Variants in CDH18 observed in about 807,000 individuals in gnomAD.
CDH18 encodes the protein cadherin-18.
A neutral mutation model predicts 67.9 loss-of-function variants in CDH18; 31 were observed. The ratio of observed to expected loss-of-function variants is 0.46; its 90% CI spans 0.34 to 0.62. CDH18 has a LOEUF of 0.62. CDH18 is among the 20% of genes least tolerant of loss of function. The probability of loss-of-function intolerance (pLI) is 0.01; values close to 1 mark genes in which losing one functional copy is unlikely to be tolerated. For synonymous variants in CDH18, 362 were observed against 347.2 expected (o/e 1.04, Z -0.48); for missense variants, 890 against 975.5 (o/e 0.91, Z 1.17).
intron 1 of CDH18, among the ~76,000 whole-genome samples, chr5:20,388,424 C>A (rs1230199095): frequency 6.9e-6 from 1 of 144,630 alleles, no homozygotes; most frequent in Non-Finnish European, 1.5e-5. Context: ...TCCCCTTTAT[C>A]ATTTTTTTAT....
At chr5:19,754,098 A>G (rs527682107) in intron 3 of CDH18, among the ~76,000 whole-genome samples, 2 of 152,248 alleles carry the variant, frequency 1.3e-5, no homozygotes, top group South Asian at 2.1e-4. Context: ...AAACAAACAA[A>G]AAAACCCCCA....
intron 1 of CDH18, among the ~76,000 whole-genome samples, chr5:20,360,785 A>G (rs948296239): frequency 6.6e-5 from 10 of 152,098 alleles, no homozygotes; most frequent in Non-Finnish European, 1.0e-4. Flanking sequence ...ATTGCTTTAC[A>G]TTTTACATAG....
intron 2 of CDH18, among the ~76,000 whole-genome samples, chr5:19,994,746 G>T (rs563904033): frequency 0.047 from 481 of 10,302 alleles, 3 homozygotes; most frequent in African/African-American, 0.066. Context: ...TATAGAGAGA[G>T]AGAGAGAGAG....
At chr5:19,945,382 C>T (rs1795194230) in intron 2 of CDH18, among the ~76,000 whole-genome samples, 1 of 152,036 alleles carries the variant, frequency 6.6e-6, no homozygotes, top group Admixed American at 6.6e-5. Context: ...CACACTAAGC[C>T]AAAGAAGGGC....
At chr5:19,787,463 T>A (rs1407013038) in intron 3 of CDH18, among the ~76,000 whole-genome samples, 1 of 151,050 alleles carries the variant, frequency 6.6e-6, no homozygotes, top group African/African-American at 2.4e-5. Context: ...AAAAAAAAAA[T>A]TGTTTAATGT....
At chr5:19,534,612 C>T (rs536040023) in intron 9 of CDH18, among the ~76,000 whole-genome samples, 11 of 152,154 alleles carry the variant, frequency 7.2e-5, no homozygotes, top group African/African-American at 2.6e-4. Flanking sequence ...AATTTGAGAA[C>T]AAATTCAATT....
intron 1 of CDH18, among the ~76,000 whole-genome samples, chr5:20,562,083 A>G (rs1386811045): frequency 6.6e-6 from 1 of 151,930 alleles, no homozygotes; most frequent in Non-Finnish European, 1.5e-5. Flanking sequence ...TAATTATAAA[A>G]TTCATAGACA....
chr5:19,675,499 A>G (rs1231614644), intron 5 of CDH18, among the ~76,000 whole-genome samples: 3 of 152,104 alleles, frequency 2.0e-5, no homozygotes, highest in Non-Finnish European at 2.9e-5. Context: ...TTCCTTGCTG[A>G]GAAAAAGAAT....
chr5:20,384,461 C>A (rs942516984), intron 1 of CDH18, among the ~76,000 whole-genome samples: 1 of 152,022 alleles, frequency 6.6e-6, no homozygotes, highest in East Asian at 1.9e-4. Context: ...GGCATATATA[C>A]CACATTTTCT....
intron 2 of CDH18, among the ~76,000 whole-genome samples, chr5:19,995,057 A>G (rs1279257556): frequency 6.6e-6 from 1 of 151,324 alleles, no homozygotes; most frequent in African/African-American, 2.4e-5. Context: ...AGCAGAAAGC[A>G]AATTTGTCCT....
chr5:20,008,431 G>A (rs923050887), intron 2 of CDH18, among the ~76,000 whole-genome samples: 1 of 152,136 alleles, frequency 6.6e-6, no homozygotes, highest in Non-Finnish European at 1.5e-5. Context: ...GAAAAATTAT[G>A]AGAGCTGGTC....
chr5:20,241,371 G>A (rs535480653), intron 2 of CDH18, among the ~76,000 whole-genome samples: 16 of 152,218 alleles, frequency 1.1e-4, no homozygotes, highest in Non-Finnish European at 1.9e-4. Context: ...AACAGCAGAC[G>A]AGAGGCTTGG....
At chr5:20,342,857 G>A (rs1487560529) in intron 1 of CDH18, among the ~76,000 whole-genome samples, 2 of 152,176 alleles carry the variant, frequency 1.3e-5, no homozygotes, top group South Asian at 4.1e-4. Flanking sequence ...TGTAGAGTAA[G>A]GGATTCAAAG....
At chr5:19,936,928 ATTTTCAGTTTC>A in intron 2 of CDH18, among the ~76,000 whole-genome samples, 1 of 151,246 alleles carries the variant, frequency 6.6e-6, no homozygotes, top group Non-Finnish European at 1.5e-5. Context: ...AATTATTGTG[ATTTTCAGTTTC>A]AAAAAATACT....
intron 2 of CDH18, among the ~76,000 whole-genome samples, chr5:20,249,625 C>A (rs1045505515): frequency 1.3e-5 from 2 of 152,112 alleles, no homozygotes; most frequent in African/African-American, 4.8e-5. Context: ...CCGCCTCGGC[C>A]TCCCAAAGTG....
intron 2 of CDH18, among the ~76,000 whole-genome samples, chr5:20,153,631 C>A (rs952090471): frequency 1.3e-5 from 2 of 152,130 alleles, no homozygotes; most frequent in Non-Finnish European, 1.5e-5. Context: ...GCTGGAAGTC[C>A]AAGACCAAGG....
chr5:20,269,355 G>A (rs998662466), intron 1 of CDH18, among the ~76,000 whole-genome samples: 1 of 151,210 alleles, frequency 6.6e-6, no homozygotes, highest in Non-Finnish European at 1.5e-5. Flanking sequence ...ACTGCAATTC[G>A]ATCTAGCACT....
intron 2 of CDH18, among the ~76,000 whole-genome samples, chr5:20,004,611 A>G (rs1736737250): frequency 6.6e-6 from 1 of 152,354 alleles, no homozygotes; most frequent in East Asian, 1.9e-4. Context: ...ACAATTATTA[A>G]CTTTGGAAAT....
chr5:20,188,639 G>T (rs1580436531), intron 2 of CDH18, among the ~76,000 whole-genome samples: 1 of 151,774 alleles, frequency 6.6e-6, no homozygotes, highest in African/African-American at 2.4e-5. Flanking sequence ...TTAAAATTAG[G>T]CAGATGGTAA....
Sources: gnomAD v4.1 joint callset for allele counts (sites outside exome capture counted in the v4.1 genomes callset) on GRCh38, gnomAD v4.1.1 for gene constraint, MANE v1.5 for transcripts, NCBI Gene and HGNC (gene_info 2026-07-23, HGNC 2026-07-21) for gene names.